ELOA2: variants seen among roughly 807,000 people sequenced by gnomAD.
ELOA2 encodes the protein elongin-A2.
For missense variants in ELOA2, 1,271 were observed against 979.7 expected (o/e 1.30, Z -3.97); for synonymous variants, 497 against 398.8 (o/e 1.25, Z -2.94).
Position 47,033,614 on chromosome 18 carries a change from G to A in ELOA2, c.1651C>T (p.Pro551Ser). The change falls in exon 1 of 1, where the codon CCC becomes TCC. Residue 551 changes from proline (P) to serine (S), a missense_variant. Pro to Ser is a moderately conservative substitution (Grantham distance 74, BLOSUM62 -1). Transcript: ENST00000332567. ...PDALSDVGEV[P>S]YWVLEPVLEG... ...AGAACAGGTTCAAGAACCCAGTAGG[G>A]GACCTCTCCCACGTCGCTGAGGGCG... is the stretch of plus-strand genomic sequence containing the variant. 6.2e-7 allele frequency: 1 copy of A among 1,614,170 alleles called. No individual in the cohort carries two copies. The highest frequency in any genetic ancestry group is 8.5e-7 in the Non-Finnish European group (1 of 1,180,034).
rs755210316 is a variant in ELOA2, at chr18:47,033,489, G to A, written c.1776C>T (p.Asp592=). The A allele has an allele frequency of 5.0e-6, 8 of 1,614,168 alleles. No individual in the cohort carries two copies. The highest frequency in any genetic ancestry group is 4.4e-5 in the South Asian group (4 of 91,070). ...TTTCCTGTGGCTTTTCTTCCTTGAA[G>A]TCCTGGAAACAATGATTCCTCCGTA... The part of the protein sequence containing the change: ...DELRRNHCFQ[D]FKEEKPQENK... The change falls in exon 1 of 1, where the codon GAC becomes GAT. Residue 592 remains aspartate, a synonymous_variant. Coordinates refer to ENST00000332567, the MANE Select transcript of ELOA2 (RefSeq NM_016427.3).
rs372494802 is a variant in ELOA2 at position 47,034,686 on chromosome 18, G to T, written c.579C>A (p.Pro193=). ...GPEPAAPGKQ[P]GRGHTHAAQG... is the part of the protein sequence containing the mutation. The stretch of plus-strand genomic sequence containing the variant: ...GAGCCGCGTGAGTGTGGCCTCTTCC[G>T]GGTTGCTTCCCGGGCGCAGCGGGCT... Residue 193 remains proline, a synonymous_variant, in exon 1 of 1, where the codon CCC becomes CCA. Coordinates refer to ENST00000332567, the MANE Select transcript of ELOA2 (RefSeq NM_016427.3). The T allele has an allele frequency of 2.3e-5, 37 of 1,613,304 alleles. No individual in the cohort carries two copies. In the East Asian group the frequency reaches 6.5e-4, roughly 28 times the overall value.
At position 47,034,262 on chromosome 18, in the gene ELOA2, C is replaced by T. The variant is rs754843811; in HGVS notation, c.1003G>A (p.Glu335Lys). ...PGNGTHGLSP[E>K]EKEQLSNDRE... Reference sequence around the variant, plus strand: ...TCGTTGGAAAGCTGCTCTTTCTCCTCGGGCGACAGGCCGTGTGTCCCATTT... The same window carrying T: ...TCGTTGGAAAGCTGCTCTTTCTCCTTGGGCGACAGGCCGTGTGTCCCATTT... The change falls in exon 1 of 1, where the codon GAG (glutamate) becomes AAG (lysine). Residue 335 changes from glutamate (E) to lysine (K), a missense_variant. Physicochemically the swap from Glu to Lys is moderately conservative, Grantham distance 56. Transcript: ENST00000332567. The T allele has an allele frequency of 1.9e-6, 3 of 1,613,982 alleles. No homozygotes were observed. Among genetic ancestry groups the T allele is most frequent in the Non-Finnish European group, 1.7e-6 (2 of 1,179,826 alleles).
chr18:47,033,234 C>A lies in ELOA2; in HGVS notation c.2031G>T (p.Lys677Asn), dbSNP rs1263937796. Residue 677 changes from lysine (K) to asparagine (N), a missense_variant, in exon 1 of 1, where the codon AAG becomes AAT. Transcript: ENST00000332567. ...PENGEIKPAS[K>N]PAGSSHTPSS... ...AGGGAGTGTGGCTGCTTCCCGCGGG[C>A]TTGGAGGCTGGCTTGATCTCCCCAT... is the stretch of plus-strand genomic sequence containing the variant. The A allele has an allele frequency of 8.7e-6, 14 of 1,613,862 alleles. No individual in the cohort carries two copies. The highest frequency in any genetic ancestry group is 1.1e-5 in the Non-Finnish European group (13 of 1,180,028).
Position 47,032,920 on chromosome 18 carries a change from T to C in ELOA2, c.*83A>G, listed in dbSNP as rs561010606. ...ACCAAGTTAAAGGTTCTGGTGTCCA[T>C]TGGAAGTTTCGTTCCCCAACCCGCA... is the stretch of plus-strand genomic sequence containing the variant. On this transcript the variant is annotated 3_prime_UTR_variant, in exon 1 of 1. Transcript: ENST00000332567. 4 of 1,609,284 alleles carry C rather than the reference T, an allele frequency of 2.5e-6. No individual in the cohort carries two copies. Among genetic ancestry groups the C allele is most frequent in the East Asian group, 2.2e-5 (1 of 44,858 alleles).
Position 47,033,433 on chromosome 18 carries a change from A to G in ELOA2, c.1832T>C (p.Leu611Pro), listed in dbSNP as rs755404558. The stretch of plus-strand genomic sequence containing the variant: ...CAGCCGCTGCTCTGGGGCGTCCGGA[A>G]GCCGCAGGTACTGCTCCCTCCAAGT... ...NKTWREQYLR[L>P]PDAPEQRLRV... is the part of the protein sequence containing the mutation. Residue 611 changes from leucine (L) to proline (P), a missense_variant, in exon 1 of 1, where the codon CTT (leucine) becomes CCT (proline). Leu to Pro is a moderately conservative substitution (Grantham distance 98). Coordinates refer to ENST00000332567, the MANE Select transcript of ELOA2 (RefSeq NM_016427.3). The G allele has an allele frequency of 1.2e-6, 2 of 1,613,756 alleles. No homozygotes were observed. Among genetic ancestry groups the G allele is most frequent in the East Asian group, 4.5e-5 (2 of 44,882 alleles).
Position 47,033,942 on chromosome 18 carries a change from C to T in ELOA2, c.1323G>A (p.Leu441=). The T allele has an allele frequency of 2.5e-6, 4 of 1,613,048 alleles. No individual in the cohort carries two copies. Among genetic ancestry groups the T allele is most frequent in the African/African-American group, 1.3e-5 (1 of 75,022 alleles). The change falls in exon 1 of 1, where the codon CTG becomes CTA. Residue 441 remains leucine, a synonymous_variant. Coordinates refer to ENST00000332567, the MANE Select transcript of ELOA2 (RefSeq NM_016427.3). ...PPVQESQSER[L]QAAGADSAGP... is the part of the protein sequence containing the mutation. ...CGGCGGAATCAGCGCCGGCCGCCTG[C>T]AGCCTCTCTGACTGGCTTTCCTGGA...
Position 47,035,444 on chromosome 18 carries a change from A to G in ELOA2, c.-180T>C, listed in dbSNP as rs2060726939. ...CGGAGCAGCAGGCCACTTGGTCTGGAACGGCCGTCCTTGCAGACAGCTGAG... is the reference window on the plus strand; with the variant it reads ...CGGAGCAGCAGGCCACTTGGTCTGGGACGGCCGTCCTTGCAGACAGCTGAG... On this transcript the variant is annotated 5_prime_UTR_variant, in exon 1 of 1. Coordinates refer to ENST00000332567, the MANE Select transcript of ELOA2 (RefSeq NM_016427.3). 1 of 1,351,374 alleles carries G rather than the reference A, an allele frequency of 7.4e-7. No homozygotes were observed. Among genetic ancestry groups the G allele is most frequent in the African/African-American group, 1.5e-5 (1 of 67,732 alleles). 83.7% of individuals were successfully genotyped at this position (1,351,374 alleles called of 1,614,324 possible).
In ELOA2 at chr18:47,033,602, G is replaced by T. The variant is rs759539444; in HGVS notation, c.1663C>A (p.Leu555Ile). 1 of 1,614,174 alleles carries T rather than the reference G, an allele frequency of 6.2e-7. No individual in the cohort carries two copies. Among genetic ancestry groups the T allele is most frequent in the Non-Finnish European group, 8.5e-7 (1 of 1,180,040 alleles). The part of the protein sequence containing the change: ...SDVGEVPYWV[L>I]EPVLEGWRPD... ...CTCCACCCTTCCAGAACAGGTTCAA[G>T]AACCCAGTAGGGGACCTCTCCCACG... The change falls in exon 1 of 1, where the codon CTT becomes ATT. Residue 555 changes from leucine (L) to isoleucine (I), a missense_variant. Transcript: ENST00000332567.
At position 47,032,929 on chromosome 18, in the gene ELOA2, T is replaced by C. The variant is rs1442430668; in HGVS notation, c.*74A>G. 8 of 1,610,288 alleles carry C rather than the reference T, an allele frequency of 5.0e-6. No individual in the cohort carries two copies. Among genetic ancestry groups the C allele is most frequent in the Non-Finnish European group, 6.8e-6 (8 of 1,178,398 alleles). Reference sequence around the variant, plus strand: ...AAGGTTCTGGTGTCCATTGGAAGTTTCGTTCCCCAACCCGCATTGACTTTG... The same window carrying C: ...AAGGTTCTGGTGTCCATTGGAAGTTCCGTTCCCCAACCCGCATTGACTTTG... On this transcript the variant is annotated 3_prime_UTR_variant, in exon 1 of 1. Transcript: ENST00000332567.
Position 47,034,152 on chromosome 18 carries a change from A to G in ELOA2, c.1113T>C (p.Asp371=). 1 of 1,614,206 alleles carries G rather than the reference A, an allele frequency of 6.2e-7. No individual in the cohort carries two copies. Among genetic ancestry groups the G allele is most frequent in the Non-Finnish European group, 8.5e-7 (1 of 1,180,036 alleles). ...VSSLSEVEEV[D]MAEEFEQPTL... ...TGGGCTGCTCGAATTCCTCAGCCAT[A>G]TCTACCTCCTCCACCTCAGAGAGGG... The change falls in exon 1 of 1, where the codon GAT becomes GAC. Residue 371 remains aspartate (D), a synonymous_variant. Transcript: ENST00000332567.
Position 47,032,827 on chromosome 18 carries a change from C to CT in ELOA2, c.*175dup. The CT allele has an allele frequency of 8.1e-7, 1 of 1,230,116 alleles. No homozygotes were observed. Among genetic ancestry groups the CT allele is most frequent in the Non-Finnish European group, 1.1e-6 (1 of 888,364 alleles). The allele number at this position is 1,230,116 out of a possible 1,614,324, so 76.2% of individuals were successfully genotyped here. The stretch of plus-strand genomic sequence containing the variant: ...TGTTCTCCAAGCTGGGAGGTAGTGG[C>CT]TGGGTGTGGGAGGCAAAATCACAGG... On this transcript the variant is annotated 3_prime_UTR_variant, in exon 1 of 1. Transcript: ENST00000332567.
chr18:47,034,627 C>G lies in ELOA2; in HGVS notation c.638G>C (p.Gly213Ala). ...GGPLLCPGCQGQPQGKAVVSH... is the reference protein window; with the variant it reads ...GGPLLCPGCQAQPQGKAVVSH... Reference sequence around the variant, plus strand: ...CACAACGGCTTTCCCCTGGGGTTGGCCCTGGCAGCCTGGACACAGCAGAGG... The same window carrying G: ...CACAACGGCTTTCCCCTGGGGTTGGGCCTGGCAGCCTGGACACAGCAGAGG... Residue 213 changes from glycine to alanine, a missense_variant, in exon 1 of 1, where the codon GGC becomes GCC. Transcript: ENST00000332567. The G allele has an allele frequency of 1.9e-6, 3 of 1,614,084 alleles. No individual in the cohort carries two copies. Among genetic ancestry groups the G allele is most frequent in the Non-Finnish European group, 2.5e-6 (3 of 1,179,978 alleles).
Position 47,033,273 on chromosome 18 carries a change from G to A in ELOA2, c.1992C>T (p.Asp664=). The change falls in exon 1 of 1, where the codon GAC becomes GAT. Residue 664 remains aspartate, a synonymous_variant. Transcript: ENST00000332567. Reference sequence around the variant, plus strand: ...TGATCTCCCCATTTTCGGGGTCAGCGTCTCCTGCAGACTTCTCTTGCCTCC... The same window carrying A: ...TGATCTCCCCATTTTCGGGGTCAGCATCTCCTGCAGACTTCTCTTGCCTCC... ...TSRRQEKSAG[D]ADPENGEIKP... 3.7e-6 allele frequency: 6 copies of A among 1,613,502 alleles called. No individual in the cohort carries two copies. Among genetic ancestry groups the A allele is most frequent in the East Asian group, 4.5e-5 (2 of 44,876 alleles).
rs1437168564 is a variant in ELOA2 at position 47,033,337 on chromosome 18, C to T, written c.1928G>A (p.Cys643Tyr). Reference sequence around the variant, plus strand: ...AGGCGTCTTGGCCACAGATTTGAAACAGATCATCTTTGCCTCTCTGCCGTT... The same window carrying T: ...AGGCGTCTTGGCCACAGATTTGAAATAGATCATCTTTGCCTCTCTGCCGTT... ...NPNGREAKMI[C>Y]FKSVAKTPYD... The change falls in exon 1 of 1, where the codon TGT becomes TAT. Residue 643 changes from cysteine to tyrosine, a missense_variant. By Grantham distance (194) the Cys-to-Tyr change is radical. Transcript: ENST00000332567. 1.3e-5 allele frequency: 21 copies of T among 1,613,964 alleles called. No individual in the cohort carries two copies. The highest frequency in any genetic ancestry group is 1.8e-5 in the Non-Finnish European group (21 of 1,180,042).
Position 47,034,134 on chromosome 18 carries a change from C to T in ELOA2, c.1131G>A (p.Glu377=). The change falls in exon 1 of 1, where the codon GAG becomes GAA. Residue 377 remains glutamate (E), a synonymous_variant. Coordinates refer to ENST00000332567, the MANE Select transcript of ELOA2 (RefSeq NM_016427.3). ...ATTTTTCACATGACAGAGTGGGCTG[C>T]TCGAATTCCTCAGCCATATCTACCT... is the stretch of plus-strand genomic sequence containing the variant. ...VEEVDMAEEF[E]QPTLSCEKYL... 2 of 1,614,220 alleles carry T rather than the reference C, an allele frequency of 1.2e-6. No homozygotes were observed. Among genetic ancestry groups the T allele is most frequent in the African/African-American group, 2.7e-5 (2 of 75,074 alleles).
chr18:47,034,126 G>C lies in ELOA2; in HGVS notation c.1139C>G (p.Thr380Ser), dbSNP rs780719198. Residue 380 changes from threonine (T) to serine (S), a missense_variant, in exon 1 of 1, where the codon ACT (threonine) becomes AGT (serine). Transcript: ENST00000332567. ...VDMAEEFEQPTLSCEKYLTYD... is the reference protein window; with the variant it reads ...VDMAEEFEQPSLSCEKYLTYD... ...GGTGAGGTATTTTTCACATGACAGAGTGGGCTGCTCGAATTCCTCAGCCAT... is the reference window on the plus strand; with the variant it reads ...GGTGAGGTATTTTTCACATGACAGACTGGGCTGCTCGAATTCCTCAGCCAT... 1.2e-6 allele frequency: 2 copies of C among 1,614,102 alleles called. No homozygotes were observed. The highest frequency in any genetic ancestry group is 1.7e-6 in the Non-Finnish European group (2 of 1,180,052).
Position 47,034,367 on chromosome 18 carries a change from C to G in ELOA2, c.898G>C (p.Ala300Pro). 1.2e-6 allele frequency: 2 copies of G among 1,614,042 alleles called. No homozygotes were observed. The highest frequency in any genetic ancestry group is 3.3e-5 in the Admixed American group (2 of 60,032). ...SGQRVPALEEAPDSHQKRPQH... is the reference protein window; with the variant it reads ...SGQRVPALEEPPDSHQKRPQH... ...GGCCTCTTCTGGTGACTGTCTGGAG[C>G]CTCCTCCAAGGCAGGGACACGCTGG... The change falls in exon 1 of 1, where the codon GCT becomes CCT. Residue 300 changes from alanine to proline, a missense_variant. Physicochemically the swap from Ala to Pro is conservative, Grantham distance 27. Transcript: ENST00000332567.
chr18:47,034,819 C>G lies in ELOA2; in HGVS notation c.446G>C (p.Arg149Pro). 1 of 1,612,136 alleles carries G rather than the reference C, an allele frequency of 6.2e-7. No individual in the cohort carries two copies. Among genetic ancestry groups the G allele is most frequent in the East Asian group, 2.2e-5 (1 of 44,862 alleles). Residue 149 changes from arginine to proline, a missense_variant, in exon 1 of 1, where the codon CGC becomes CCC. By Grantham distance (103) the Arg-to-Pro change is moderately radical. Transcript: ENST00000332567. The stretch of plus-strand genomic sequence containing the variant: ...GCACTTTCTCTCAGCTCTGGGCTCG[C>G]GACTGTGAGACCTCGGGTGAGGTCT... ...QQRPHPRSHSREPRAERKCPR... is the reference protein window; with the variant it reads ...QQRPHPRSHSPEPRAERKCPR...
Sources: gnomAD v4.1 joint callset for allele counts on GRCh38, gnomAD v4.1.1 for gene constraint, MANE v1.5 for transcripts, NCBI Gene and HGNC (gene_info 2026-07-23, HGNC 2026-07-21) for gene names.